GNL3: variants seen among roughly 807,000 people sequenced by gnomAD.
The protein encoded by GNL3 is G protein nucleolar 3, also known as guanine nucleotide-binding protein-like 3.
GNL3 carries 77 observed loss-of-function variants against 70.6 expected under a neutral mutation model. That is an observed-to-expected ratio of 1.09 (90% CI 0.91 to 1.32). The LOEUF (loss-of-function observed/expected upper bound fraction) is 1.32, where lower values mean the gene tolerates loss of function less well. Among genes scored for constraint, GNL3 ranks in the 40% most tolerant of loss-of-function variants. The probability of loss-of-function intolerance (pLI) is 0.00; values close to 1 mark genes in which losing one functional copy is unlikely to be tolerated. For missense variants in GNL3, 634 were observed against 644.0 expected, an observed-to-expected ratio of 0.98 and a Z score of 0.17; for synonymous variants, 252 against 216.1, an observed-to-expected ratio of 1.17 and a Z score of -1.46.
At chr3:52,690,532 G>C in intron 6 of GNL3, 60 bp from the exon 7 acceptor site, 2 of 907,360 alleles carry the variant, frequency 2.2e-6, no homozygotes, top group Non-Finnish European at 3.7e-6. Flanking sequence ...CAAAGTGCTG[G>C]GATTACAGGC....
In GNL3 at chr3:52,693,306, ACTG is replaced by A; in HGVS notation, c.1168_1170del (p.Leu390del). The A allele has an allele frequency of 1.2e-6, 2 of 1,614,188 alleles. No homozygotes were observed. Among genetic ancestry groups the A allele is most frequent in the Non-Finnish European group, 1.7e-6 (2 of 1,180,022 alleles). On this transcript the variant is annotated inframe_deletion, in exon 11 of 15. Coordinates refer to ENST00000418458, the MANE Select transcript of GNL3 (RefSeq NM_014366.5). ...TCCCAAATGTTGAAGGTGCTGCCAA[ACTG>A]CTGTGGTCTGAGTGGACAGGGTAAG... is the stretch of plus-strand genomic sequence containing the variant.
At chr3:52,688,256 T>C in intron 5 of GNL3, 64 bp downstream of exon 5, 1 of 936,722 alleles carries the variant, frequency 1.1e-6, no homozygotes. Context: ...AGTCATTTTT[T>C]TTTTAACCTT....
chr3:52,686,871 A>G lies in GNL3; in HGVS notation c.72+44A>G, dbSNP rs1327530491. 2.1e-6 allele frequency: 3 copies of G among 1,418,088 alleles called. No homozygotes were observed. The African/African-American group carries it at 4.2e-5, about 20-fold the overall frequency. The allele number at this position is 1,418,088 out of a possible 1,614,324, so 87.8% of individuals were successfully genotyped here. A position where few individuals can be genotyped will look rare whatever the true frequency, so the allele number is the denominator to read the frequency against. On this transcript the variant is annotated intron_variant, in intron 2 of 14. Transcript: ENST00000418458. ...AGAGCTGTACCAAACACATTGCTAA[A>G]CTGATTTTGCCCTGTTCCTTTGCGG... is the stretch of plus-strand genomic sequence containing the variant.
rs1108842 is a variant in GNL3, at chr3:52,686,064, A to G, written c.-29A>G. ...ACGTGGCGCCAGCGGAGGCAGGTTG[A>G]TGTGTTTGTGCTTCCTTCTACAGCC... On this transcript the variant is annotated 5_prime_UTR_variant, in exon 1 of 15. It removes an upstream start codon present in the reference 5' UTR. Coordinates refer to ENST00000418458, the MANE Select transcript of GNL3 (RefSeq NM_014366.5). 2 of 1,001,912 alleles carry G rather than the reference A, an allele frequency of 2.0e-6. No homozygotes were observed. Among genetic ancestry groups the G allele is most frequent in the Admixed American group, 1.7e-5 (1 of 59,250 alleles). The allele number at this position is 1,001,912 out of a possible 1,614,324, so 62.1% of individuals were successfully genotyped here.
At chr3:52,691,995 C>T (rs1230810279) in intron 9 of GNL3, among the ~76,000 whole-genome samples, 3 of 152,096 alleles carry the variant, frequency 2.0e-5, no homozygotes, top group Non-Finnish European at 2.9e-5. Context: ...CCACCGCGCC[C>T]GGCCTATTTT....
chr3:52,691,719 TTTTG>T, intron 9 of GNL3, 90 bp downstream of exon 9: 2 of 764,690 alleles, frequency 2.6e-6, no homozygotes, highest in Non-Finnish European at 4.5e-6. Flanking sequence ...TTTTTTTTTT[TTTTG>T]AGACAGTTTC....
At chr3:52,686,424 A>AG (rs1461807743) in intron 1 of GNL3, 2 of 574,570 alleles carry the variant, frequency 3.5e-6, no homozygotes, top group Non-Finnish European at 6.2e-6. Flanking sequence ...AGACTGGCCC[A>AG]GGTGAGAGCT....
chr3:52,692,162 C>T (rs1375359071), intron 9 of GNL3, among the ~76,000 whole-genome samples: 4 of 152,076 alleles, frequency 2.6e-5, no homozygotes, highest in Non-Finnish European at 4.4e-5. Flanking sequence ...TGAACCTGGC[C>T]TTGAGAAATT....
intron 4 of GNL3, 24 bp downstream of exon 4, chr3:52,687,639 T>A (rs1209032991): frequency 7.1e-7 from 1 of 1,405,814 alleles, no homozygotes; most frequent in Non-Finnish European, 1.0e-6. Context: ...TCTTTATGAA[T>A]GAGAGATCAG....
At chr3:52,691,437 C>G in intron 8 of GNL3, 105 bp from the exon 9 acceptor site, 1 of 734,866 alleles carries the variant, frequency 1.4e-6, no homozygotes, top group Non-Finnish European at 2.4e-6. Flanking sequence ...AGATCCAACT[C>G]TGATCTTGCC....
chr3:52,693,911 T>C, intron 13 of GNL3, 104 bp downstream of exon 13: 1 of 1,299,878 alleles, frequency 7.7e-7, no homozygotes, highest in Non-Finnish European at 1.1e-6. Flanking sequence ...TGTGATCCAT[T>C]AGCCTTAATT....
intron 4 of GNL3, 158 bp from the exon 5 acceptor site, chr3:52,687,951 A>G: frequency 1.6e-6 from 1 of 639,934 alleles, no homozygotes; most frequent in East Asian, 2.6e-5. Flanking sequence ...AAGCACATCC[A>G]CAGGCTGCTG....
chr3:52,690,082 A>G (rs575640057), intron 6 of GNL3, among the ~76,000 whole-genome samples: 1 of 152,238 alleles, frequency 6.6e-6, no homozygotes, highest in East Asian at 1.9e-4. Context: ...ATTGAAATAG[A>G]GAAGTGCAGA....
Position 52,694,299 on chromosome 3 carries a change from T to C in GNL3, c.*24T>C, listed in dbSNP as rs1266375118. On this transcript the variant is annotated 3_prime_UTR_variant, in exon 15 of 15. Coordinates refer to ENST00000418458, the MANE Select transcript of GNL3 (RefSeq NM_014366.5). The stretch of plus-strand genomic sequence containing the variant: ...AACAGAACAATGGCTTTTTATGATT[T>C]TTTTTTTAACATTTTAAGCAGACTG... The C allele has an allele frequency of 7.5e-7, 1 of 1,332,452 alleles. No individual in the cohort carries two copies. Among genetic ancestry groups the C allele is most frequent in the South Asian group, 1.2e-5 (1 of 81,730 alleles). 82.5% of individuals were successfully genotyped at this position (1,332,452 alleles called of 1,614,324 possible).
Position 52,688,180 on chromosome 3 carries a change from A to G in GNL3, c.396A>G (p.Gln132=). Residue 132 remains glutamine, a synonymous_variant, in exon 5 of 15, where the codon CAA becomes CAG. Transcript: ENST00000418458. The part of the protein sequence containing the change: ...GKQNSKKLYC[Q]ELKKVIEASD... ...AGAATTCAAAGAAGCTGTACTGCCA[A>G]GAACTTAAAAAGGTATCTTAGCCTA... The G allele has an allele frequency of 6.2e-7, 1 of 1,600,458 alleles. No individual in the cohort carries two copies. The highest frequency in any genetic ancestry group is 1.1e-5 in the South Asian group (1 of 90,812).
chr3:52,686,191 T>G, intron 1 of GNL3, 86 bp downstream of exon 1: 1 of 1,471,546 alleles, frequency 6.8e-7, no homozygotes, highest in East Asian at 2.3e-5. Context: ...GGCTACGGCT[T>G]TGTCTCTGCT....
intron 6 of GNL3, chr3:52,689,454 C>T (rs2097325207): frequency 1.8e-6 from 1 of 549,780 alleles, no homozygotes. Context: ...AGCTGCTATA[C>T]CCAGCTTATT....
rs2097327144 is a variant in GNL3, at chr3:52,691,423, ACT to A, written c.782-118_782-117del. ...TTGGTCTTAGTATTGAAGTGAAGACACTGAGATCCAACTCTGATCTTGCCCTA... is the reference window on the plus strand; with the variant it reads ...TTGGTCTTAGTATTGAAGTGAAGACAGAGATCCAACTCTGATCTTGCCCTA... On this transcript the variant is annotated intron_variant, in intron 8 of 14. Transcript: ENST00000418458. 1.3e-5 allele frequency: 9 copies of A among 699,420 alleles called. No homozygotes were observed. In the South Asian group the frequency reaches 1.3e-4, roughly 10 times the overall value. The allele number at this position is 699,420 out of a possible 1,614,324, so 43.3% of individuals were successfully genotyped here.
chr3:52,688,106 T>C lies in GNL3; in HGVS notation c.325-3T>C, dbSNP rs374852383. On this transcript the variant is annotated splice_polypyrimidine_tract_variant and splice_region_variant and intron_variant, in intron 4 of 14. Transcript: ENST00000418458. ...TTGTGTTATTTCCCCCTTTATCCTC[T>C]AGGAGTTTGGGCTTTGCAAAACTGA... The C allele has an allele frequency of 1.9e-5, 30 of 1,570,982 alleles. No homozygotes were observed. Among genetic ancestry groups the C allele is most frequent in the African/African-American group, 1.8e-4 (13 of 74,056 alleles).
Sources: gnomAD v4.1 joint callset for allele counts (sites outside exome capture counted in the v4.1 genomes callset) on GRCh38, gnomAD v4.1.1 for gene constraint, MANE v1.5 for transcripts, NCBI Gene and HGNC (gene_info 2026-07-23, HGNC 2026-07-21) for gene names.